The following GYPC variants were observed in gnomAD, a reference collection of about 807,000 sequenced individuals.
GYPC encodes the protein glycophorin-C.
A neutral mutation model predicts 12.6 loss-of-function variants in GYPC; 14 were observed. The observed-to-expected ratio is 1.11, with a 90% CI of 0.74 to 1.74. GYPC has a LOEUF of 1.74. GYPC is among the 40% of genes most tolerant of loss of function. The pLI is 0.00. For missense variants in GYPC, 225 were observed against 172.1 expected (o/e 1.31, Z -1.72); for synonymous variants, 78 against 62.1 (o/e 1.26, Z -1.20).
At chr2:126,686,670 G>T in intron 1 of GYPC, 1 of 985,398 alleles carries the variant, frequency 1.0e-6, no homozygotes, top group Non-Finnish European at 1.2e-6. Flanking sequence ...GGGGCCGGGG[G>T]GACCTTGCAA....
chr2:126,675,594 G>A (rs1453837793), intron 1 of GYPC: 2 of 539,884 alleles, frequency 3.7e-6, no homozygotes, highest in East Asian at 2.9e-4. Flanking sequence ...TAAACAATGG[G>A]CTCTCCTTTC....
rs116637278 is a variant in GYPC at position 126,687,442 on chromosome 2, T to C, written c.50-2813T>C. On this transcript the variant is annotated intron_variant, in intron 1 of 3. Transcript: ENST00000259254. ...CAGAGGATGCTGTGTATCCAGAGAC[T>C]ATGCTTTGAGAATTGCTGTCTCACA... Among the ~76,000 whole-genome samples the C allele has an allele frequency of 4.8e-3, 737 of 152,318 alleles. 3 individuals are homozygous for C. The highest frequency in any genetic ancestry group is 0.017 in the African/African-American group (711 of 41,566).
At chr2:126,661,780 C>G (rs1338954471) in intron 1 of GYPC, among the ~76,000 whole-genome samples, 1 of 152,160 alleles carries the variant, frequency 6.6e-6, no homozygotes, top group Admixed American at 6.5e-5. Flanking sequence ...TCTCTTATTG[C>G]CAAAACACTG....
chr2:126,669,295 C>A (rs901025289), intron 1 of GYPC, among the ~76,000 whole-genome samples: 4 of 152,182 alleles, frequency 2.6e-5, no homozygotes, highest in Non-Finnish European at 5.9e-5. Context: ...CCCTGGTCAT[C>A]ATCCTGTGCT....
At chr2:126,664,596 C>G (rs1682628423) in intron 1 of GYPC, among the ~76,000 whole-genome samples, 1 of 152,202 alleles carries the variant, frequency 6.6e-6, no homozygotes, top group Admixed American at 6.5e-5. Context: ...GTACATTTGC[C>G]TTTATACCAG....
At chr2:126,682,525 C>A (rs1023695919) in intron 1 of GYPC, among the ~76,000 whole-genome samples, 2 of 152,134 alleles carry the variant, frequency 1.3e-5, no homozygotes, top group Non-Finnish European at 2.9e-5. Context: ...GCCTGGTTGC[C>A]GCTCACTCTC....
chr2:126,688,588 G>T (rs1683358125), intron 1 of GYPC, among the ~76,000 whole-genome samples: 1 of 152,158 alleles, frequency 6.6e-6, no homozygotes, highest in African/African-American at 2.4e-5. Flanking sequence ...CCTGGTTCCT[G>T]GTTCCCAAGG....
intron 1 of GYPC, among the ~76,000 whole-genome samples, chr2:126,668,007 C>T (rs552703863): frequency 3.9e-4 from 60 of 152,180 alleles, no homozygotes; most frequent in African/African-American, 1.4e-3. Context: ...ATTAGAGACA[C>T]GTGGCCCAGC....
At chr2:126,680,970 G>A (rs1052930745) in intron 1 of GYPC, among the ~76,000 whole-genome samples, 3 of 152,140 alleles carry the variant, frequency 2.0e-5, no homozygotes, top group Non-Finnish European at 4.4e-5. Flanking sequence ...CAGGGCGGCG[G>A]GAAGGGACCT....
intron 1 of GYPC, among the ~76,000 whole-genome samples, chr2:126,661,620 T>C (rs1005266055): frequency 2.0e-5 from 3 of 152,066 alleles, no homozygotes; most frequent in Non-Finnish European, 2.9e-5. Flanking sequence ...GCCTGGCTAA[T>C]TTTGTATTTT....
intron 1 of GYPC, among the ~76,000 whole-genome samples, chr2:126,660,611 C>T (rs1210413430): frequency 6.6e-6 from 1 of 152,176 alleles, no homozygotes; most frequent in Non-Finnish European, 1.5e-5. Context: ...GTCCCCCACT[C>T]AGGGCCTGTC....
chr2:126,689,420 C>A (rs1220397519), intron 1 of GYPC, among the ~76,000 whole-genome samples: 1 of 151,978 alleles, frequency 6.6e-6, no homozygotes, highest in Non-Finnish European at 1.5e-5. Flanking sequence ...TAAAGCAACA[C>A]CTGGTGCTAT....
chr2:126,667,459 A>G (rs927734615), intron 1 of GYPC, among the ~76,000 whole-genome samples: 6 of 145,506 alleles, frequency 4.1e-5, no homozygotes, highest in Non-Finnish European at 8.9e-5. Context: ...GCTGGGGTGC[A>G]GTGGCATGAT....
At chr2:126,692,874 G>A (rs1197347169) in intron 2 of GYPC, among the ~76,000 whole-genome samples, 2 of 152,196 alleles carry the variant, frequency 1.3e-5, no homozygotes, top group Non-Finnish European at 2.9e-5. Flanking sequence ...CACTGGCCAA[G>A]TCCTGACCTG....
intron 3 of GYPC, 43 bp from the exon 4 acceptor site, chr2:126,695,903 G>T (rs4538146): frequency 1.9e-6 from 3 of 1,543,094 alleles, no homozygotes; most frequent in Non-Finnish European, 2.7e-6. Flanking sequence ...AGGCCCCAGA[G>T]CCCCTGCCTC....
At chr2:126,684,302 C>A (rs1015878643) in intron 1 of GYPC, among the ~76,000 whole-genome samples, 1 of 152,202 alleles carries the variant, frequency 6.6e-6, no homozygotes, top group African/African-American at 2.4e-5. Context: ...GCTTTATGCA[C>A]AGATAGGAAG....
chr2:126,686,519 T>C, intron 1 of GYPC: 6 of 985,422 alleles, frequency 6.1e-6, no homozygotes, highest in Non-Finnish European at 7.2e-6. Flanking sequence ...TGCAGTTTAG[T>C]TGGTTCGTGG....
chr2:126,674,354 G>C (rs1412153771), intron 1 of GYPC, among the ~76,000 whole-genome samples: 1 of 152,156 alleles, frequency 6.6e-6, no homozygotes, highest in Non-Finnish European at 1.5e-5. Context: ...CTTAGAAATG[G>C]GAGCAGTGAG....
rs1384801788 is a variant in GYPC, at chr2:126,693,886, A to T, written c.129A>T (p.Gly43=). The T allele has an allele frequency of 1.2e-6, 2 of 1,611,852 alleles. No individual in the cohort carries two copies. Among genetic ancestry groups the T allele is most frequent in the Non-Finnish European group, 1.7e-6 (2 of 1,177,958 alleles). ...CAGAGCCTGATCCAGGGATGTCTGG[A>T]TGGCCGGATGGCAGAATGGAGACCT... ...TIAEPDPGMS[G]WPDGRMETST... is the part of the protein sequence containing the mutation. The change falls in exon 3 of 4, where the codon GGA becomes GGT. Residue 43 remains glycine (G), a synonymous_variant. Transcript: ENST00000259254.
Sources: allele counts gnomAD v4.1 joint callset (sites outside exome capture counted in the v4.1 genomes callset), GRCh38; gene constraint gnomAD v4.1.1; transcripts MANE v1.5; gene names NCBI Gene and HGNC (gene_info 2026-07-23, HGNC 2026-07-21).